Variants in CDC73 observed in about 807,000 individuals in gnomAD.
CDC73 encodes the protein cell division cycle 73, also known as parafibromin.
Under a neutral mutation model 83.7 loss-of-function variants are expected in CDC73, and 21 were observed. The observed-to-expected ratio is 0.25, with a 90% CI of 0.18 to 0.36. CDC73 has a LOEUF of 0.36. Ranked by LOEUF, CDC73 falls within the 10% of genes least tolerant of loss-of-function variation. The pLI is 1.00. For synonymous variants in CDC73, 224 were observed against 212.9 expected, an observed-to-expected ratio of 1.05 and a Z score of -0.45; for missense variants, 342 against 653.3, an observed-to-expected ratio of 0.52 and a Z score of 5.19.
At chr1:193,145,747 G>T (rs185749414) in intron 7 of CDC73, among the ~76,000 whole-genome samples, 125 of 152,226 alleles carry the variant, frequency 8.2e-4, no homozygotes, top group Middle Eastern at 3.4e-3. Context: ...AGAATTATAG[G>T]AACTAGTTAG....
chr1:193,234,557 ATTAG>A (rs921886773), intron 14 of CDC73, among the ~76,000 whole-genome samples: 87 of 151,866 alleles, frequency 5.7e-4, no homozygotes, highest in Admixed American at 2.5e-3. Flanking sequence ...GCTTGTGTGT[ATTAG>A]TTAGGGTCTC....
At chr1:193,141,228 TCA>T (rs960880381) in intron 6 of CDC73, 31 of 152,490 alleles carry the variant, frequency 2.0e-4, no homozygotes, top group African/African-American at 7.2e-4. Context: ...ACGTATACTT[TCA>T]GTGTTGTCTT....
At chr1:193,129,656 G>A (rs1675659253) in intron 2 of CDC73, among the ~76,000 whole-genome samples, 1 of 151,622 alleles carries the variant, frequency 6.6e-6, no homozygotes, top group Non-Finnish European at 1.5e-5. Context: ...GGGATTACAA[G>A]CATGCTTCAC....
intron 13 of CDC73, among the ~76,000 whole-genome samples, chr1:193,213,860 A>G (rs1255543927): frequency 6.6e-6 from 1 of 152,108 alleles, no homozygotes; most frequent in Non-Finnish European, 1.5e-5. Flanking sequence ...TTTTTGTGTT[A>G]AATTCTTAAC....
chr1:193,141,916 A>G lies in CDC73; in HGVS notation c.579A>G (p.Lys193=), dbSNP rs1402422759. The G allele has an allele frequency of 6.2e-7, 1 of 1,613,804 alleles. No individual in the cohort carries two copies. The highest frequency in any genetic ancestry group is 2.2e-5 in the East Asian group (1 of 44,870). ...AAIKAKIMAK[K]RSTIKTDLDD... is the part of the protein sequence containing the mutation. The stretch of plus-strand genomic sequence containing the variant: ...TCAAAGCCAAAATTATGGCTAAGAA[A>G]AGATCTACTATCAAGACTGATCTAG... The change falls in exon 7 of 17, where the codon AAA becomes AAG. Residue 193 remains lysine, a synonymous_variant. Coordinates refer to ENST00000367435, the MANE Select transcript of CDC73 (RefSeq NM_024529.5).
intron 13 of CDC73, among the ~76,000 whole-genome samples, chr1:193,213,620 T>G (rs1413522856): frequency 6.6e-6 from 1 of 152,212 alleles, no homozygotes; most frequent in Admixed American, 6.5e-5. Context: ...TCGTAGTGTT[T>G]GTTGCATTCT....
chr1:193,230,132 A>C (rs986222341), intron 13 of CDC73, among the ~76,000 whole-genome samples: 14 of 151,630 alleles, frequency 9.2e-5, no homozygotes, highest in African/African-American at 3.1e-4. Context: ...TAGAGGAATG[A>C]CATTCCCATT....
At chr1:193,162,189 CTATTA>C (rs1676340750) in intron 10 of CDC73, among the ~76,000 whole-genome samples, 1 of 20,632 alleles carries the variant, frequency 4.8e-5, no homozygotes, top group Admixed American at 6.2e-4. Flanking sequence ...TATATATTAT[CTATTA>C]TATTGTATAT....
chr1:193,242,608 C>T (rs1454151843), intron 15 of CDC73, among the ~76,000 whole-genome samples: 1 of 152,140 alleles, frequency 6.6e-6, no homozygotes, highest in Admixed American at 6.5e-5. Context: ...AGGCAGGTGC[C>T]AGATGCCTCT....
chr1:193,233,639 C>T (rs934085787), intron 14 of CDC73, among the ~76,000 whole-genome samples: 14 of 151,960 alleles, frequency 9.2e-5, no homozygotes, highest in South Asian at 2.1e-4. Flanking sequence ...TCATTTGTTC[C>T]GGATCAGCTT....
At position 193,170,032 on chromosome 1, in the gene CDC73, C is replaced by T. The variant is rs745564494; in HGVS notation, c.972+17588C>T. ...TATCATCATTTAGCTGCCACTTATA[C>T]GTGAGAACATGTGGTATTTGTTTTT... is the stretch of plus-strand genomic sequence containing the variant. On this transcript the variant is annotated intron_variant, in intron 10 of 16. Coordinates refer to ENST00000367435, the MANE Select transcript of CDC73 (RefSeq NM_024529.5). Among the ~76,000 whole-genome samples the T allele has an allele frequency of 2.0e-5, 3 of 152,186 alleles. No homozygotes were observed. In the South Asian group the frequency reaches 6.2e-4, roughly 32 times the overall value.
intron 10 of CDC73, chr1:193,179,593 A>G (rs1314066931): frequency 1.3e-5 from 2 of 152,654 alleles, no homozygotes; most frequent in African/African-American, 2.4e-5. Flanking sequence ...TTTAATAACT[A>G]TAAAAACTTG....
At chr1:193,197,174 A>G (rs1003470642) in intron 10 of CDC73, among the ~76,000 whole-genome samples, 2 of 152,044 alleles carry the variant, frequency 1.3e-5, no homozygotes, top group South Asian at 2.1e-4. Context: ...TTTTTTTTCT[A>G]CATCATTTGA....
At chr1:193,183,765 A>G (rs1307014193) in intron 10 of CDC73, among the ~76,000 whole-genome samples, 2 of 151,906 alleles carry the variant, frequency 1.3e-5, no homozygotes, top group Non-Finnish European at 2.9e-5. Context: ...AATTTATTTG[A>G]TAATCTGTTC....
chr1:193,195,803 C>G (rs1422799413), intron 10 of CDC73, among the ~76,000 whole-genome samples: 4 of 152,130 alleles, frequency 2.6e-5, no homozygotes, highest in African/African-American at 9.7e-5. Flanking sequence ...ATCTGTATCT[C>G]TGGAGAAATA....
chr1:193,159,106 C>T (rs1318636566), intron 10 of CDC73, among the ~76,000 whole-genome samples: 2 of 151,932 alleles, frequency 1.3e-5, no homozygotes, highest in African/African-American at 2.4e-5. Flanking sequence ...ATAATTTTCC[C>T]CCTTGTGATT....
chr1:193,243,427 C>A (rs963550024), intron 15 of CDC73, among the ~76,000 whole-genome samples: 2 of 151,946 alleles, frequency 1.3e-5, no homozygotes, highest in African/African-American at 4.8e-5. Context: ...ACTCTAGTAT[C>A]CTAGCTTTAA....
At chr1:193,154,289 C>T (rs1355951094) in intron 10 of CDC73, among the ~76,000 whole-genome samples, 2 of 152,172 alleles carry the variant, frequency 1.3e-5, no homozygotes, top group African/African-American at 4.8e-5. Flanking sequence ...CCCTGTACCT[C>T]TGAAATGCCA....
At chr1:193,193,333 C>A (rs1676949287) in intron 10 of CDC73, among the ~76,000 whole-genome samples, 2 of 152,114 alleles carry the variant, frequency 1.3e-5, no homozygotes, top group African/African-American at 4.8e-5. Flanking sequence ...ATACATAGAT[C>A]ATTATAAAGA....
Sources: allele counts gnomAD v4.1 joint callset (sites outside exome capture counted in the v4.1 genomes callset), GRCh38; gene constraint gnomAD v4.1.1; transcripts MANE v1.5; gene names NCBI Gene and HGNC (gene_info 2026-07-23, HGNC 2026-07-21).